The following AGPAT3 variants were observed in gnomAD, a reference collection of about 807,000 sequenced individuals.
The protein encoded by AGPAT3 is 1-acylglycerol-3-phosphate O-acyltransferase 3, also known as 1-acyl-sn-glycerol-3-phosphate acyltransferase gamma.
AGPAT3 carries 5 observed loss-of-function variants against 47.3 expected under a neutral mutation model. The observed-to-expected ratio is 0.11, with a 90% CI of 0.06 to 0.22. The LOEUF is 0.22. Among genes scored for constraint, AGPAT3 ranks in the 10% least tolerant of loss-of-function variants. AGPAT3 has a pLI of 1.00. For synonymous variants in AGPAT3, 212 were observed against 208.3 expected, an observed-to-expected ratio of 1.02 and a Z score of -0.15; for missense variants, 315 against 493.0, an observed-to-expected ratio of 0.64 and a Z score of 3.42.
rs149687387 is a variant in AGPAT3, at chr21:43,956,179, G to A, written c.-48-3455G>A. Among the ~76,000 whole-genome samples the A allele has an allele frequency of 6.1e-4, 93 of 152,284 alleles. 1 individual carries two copies. The Middle Eastern group carries it at 0.01, about 17-fold the overall frequency. ...ACCCTGTACAACTCAGGATCTGGTC[G>A]AATATATCGTCTCTAGCTCAAGAAA... On this transcript the variant is annotated intron_variant, in intron 2 of 9. Coordinates refer to ENST00000291572, the MANE Select transcript of AGPAT3 (RefSeq NM_020132.5).
intron 2 of AGPAT3, among the ~76,000 whole-genome samples, chr21:43,915,810 C>G (rs565658271): frequency 7.2e-5 from 11 of 151,964 alleles, no homozygotes; most frequent in African/African-American, 2.2e-4. Flanking sequence ...AAATTTTTTT[C>G]CTTTTATATT....
chr21:43,961,098 C>T (rs1165400940), intron 3 of AGPAT3, among the ~76,000 whole-genome samples: 1 of 151,592 alleles, frequency 6.6e-6, no homozygotes, highest in African/African-American at 2.4e-5. Flanking sequence ...TGAGATCACA[C>T]CACTGCACCA....
chr21:43,893,509 A>C (rs374886047), intron 1 of AGPAT3, among the ~76,000 whole-genome samples: 164 of 152,314 alleles, frequency 1.1e-3, no homozygotes, highest in African/African-American at 3.9e-3. Context: ...CTTTGCATTC[A>C]TCACTTGGCC....
chr21:43,961,302 A>C (rs1053890166), intron 3 of AGPAT3, among the ~76,000 whole-genome samples: 1 of 152,174 alleles, frequency 6.6e-6, no homozygotes, highest in African/African-American at 2.4e-5. Flanking sequence ...ACTTCGTCTC[A>C]TATGGGAAAC....
chr21:43,974,968 G>A (rs114181736), intron 7 of AGPAT3, among the ~76,000 whole-genome samples: 1,957 of 152,304 alleles, frequency 0.013, 50 homozygotes, highest in African/African-American at 0.043. Context: ...ACCAGCATGC[G>A]GCAGAGGCTT....
chr21:43,978,140 C>A lies in AGPAT3; in HGVS notation c.843+19C>A, dbSNP rs753382243. ...GGAGAAGGTAAGCAGGCTCTGCTCCCGCTCAGGGTCCCGGTCTCCTGAAGA... is the reference window on the plus strand; with the variant it reads ...GGAGAAGGTAAGCAGGCTCTGCTCCAGCTCAGGGTCCCGGTCTCCTGAAGA... On this transcript the variant is annotated intron_variant, in intron 8 of 9. Coordinates refer to ENST00000291572, the MANE Select transcript of AGPAT3 (RefSeq NM_020132.5). 1.9e-6 allele frequency: 3 copies of A among 1,609,016 alleles called. No homozygotes were observed. Among genetic ancestry groups the A allele is most frequent in the African/African-American group, 2.7e-5 (2 of 74,852 alleles).
rs369321425 is a variant in AGPAT3 at position 43,865,937 on chromosome 21, G to A, written c.-112+592G>A. On this transcript the variant is annotated intron_variant, in intron 1 of 9. Transcript: ENST00000291572. Reference sequence around the variant, plus strand: ...CTGCGGGGCCCGGGGTTGGCTGTGGGTTCGGCCCGGAGACCGGCGGCGCGT... The same window carrying A: ...CTGCGGGGCCCGGGGTTGGCTGTGGATTCGGCCCGGAGACCGGCGGCGCGT... Among the ~76,000 whole-genome samples, 238 of 152,222 alleles carry A rather than the reference G, an allele frequency of 1.6e-3. 10 individuals carry two copies. The South Asian group carries it at 0.047, about 30-fold the overall frequency.
rs1296481611 is a variant in AGPAT3 at position 43,981,049 on chromosome 21, G to T, written c.904G>T (p.Ala302Ser). 7 of 1,614,194 alleles carry T rather than the reference G, an allele frequency of 4.3e-6. No individual in the cohort carries two copies. The highest frequency in any genetic ancestry group is 2.2e-5 in the East Asian group (1 of 44,886). Residue 302 changes from alanine to serine, a missense_variant, in exon 9 of 10, where the codon GCC (alanine) becomes TCC (serine). Transcript: ENST00000291572. This position sits in a 1 kb window ranked among gnomAD's most constrained non-coding sequence, Gnocchi z 5.3. ...GTTTCCAGGGGAGCAGTTTAAGCCT[G>T]CCCGGAGGCCGTGGACCCTCCTGAA... ...GMFPGEQFKP[A>S]RRPWTLLNFL...
At chr21:43,971,530 C>A in intron 7 of AGPAT3, 40 bp downstream of exon 7, 1 of 1,591,576 alleles carries the variant, frequency 6.3e-7, no homozygotes, top group Non-Finnish European at 8.6e-7. Flanking sequence ...GCCCCCCATA[C>A]CTTCATGAGC....
chr21:43,977,084 C>T (rs2089646176), intron 7 of AGPAT3, among the ~76,000 whole-genome samples: 1 of 152,162 alleles, frequency 6.6e-6, no homozygotes, highest in Non-Finnish European at 1.5e-5. Flanking sequence ...TTAGATTTGT[C>T]CAATTAGGTA....
In AGPAT3 at chr21:43,930,746, A is replaced by G. The variant is rs1201943326; in HGVS notation, c.-49+26727A>G. Among the ~76,000 whole-genome samples the G allele has an allele frequency of 6.6e-6, 1 of 151,998 alleles. No individual in the cohort carries two copies. The highest frequency in any genetic ancestry group is 1.5e-5 in the Non-Finnish European group (1 of 67,984). On this transcript the variant is annotated intron_variant, in intron 2 of 9. Coordinates refer to ENST00000291572, the MANE Select transcript of AGPAT3 (RefSeq NM_020132.5). This position sits in a 1 kb window ranked among gnomAD's most constrained non-coding sequence, Gnocchi z 5.0. ...TGGCACATTCCCAGGGGGCTGCTGT[A>G]GGGCCAGTGTCCCCTCCTGGGGTGG...
At chr21:43,896,064 G>A (rs886123848) in intron 1 of AGPAT3, among the ~76,000 whole-genome samples, 1 of 152,106 alleles carries the variant, frequency 6.6e-6, no homozygotes, top group Non-Finnish European at 1.5e-5. Context: ...CACTGCGCCC[G>A]GCCTAATTTT....
chr21:43,912,896 C>T (rs113749079), intron 2 of AGPAT3, among the ~76,000 whole-genome samples: 1,741 of 152,324 alleles, frequency 0.011, 25 homozygotes, highest in African/African-American at 0.038. Flanking sequence ...ACGGTTGCTG[C>T]GGTGCCTCCG....
chr21:43,917,676 C>T (rs1374180882), intron 2 of AGPAT3, among the ~76,000 whole-genome samples: 1 of 151,936 alleles, frequency 6.6e-6, no homozygotes, highest in Non-Finnish European at 1.5e-5. Context: ...GTGTGGCACA[C>T]AGGGGAGGAG....
intron 7 of AGPAT3, 131 bp from the exon 8 acceptor site, chr21:43,977,915 T>G: frequency 3.2e-6 from 2 of 617,722 alleles, no homozygotes; most frequent in Admixed American, 3.1e-5. Flanking sequence ...GAAAAGAAAT[T>G]GAGAGTGAGA....
chr21:43,956,607 G>A (rs1190628645), intron 2 of AGPAT3, among the ~76,000 whole-genome samples: 2 of 152,214 alleles, frequency 1.3e-5, no homozygotes. Context: ...CAGTGTGGGG[G>A]CATCAAACAG....
At chr21:43,868,024 G>GCATT (rs2085546336) in intron 1 of AGPAT3, among the ~76,000 whole-genome samples, 1 of 152,208 alleles carries the variant, frequency 6.6e-6, no homozygotes, top group African/African-American at 2.4e-5. Flanking sequence ...TTAGGCAAGT[G>GCATT]CATTAATCGT....
intron 2 of AGPAT3, among the ~76,000 whole-genome samples, chr21:43,928,057 C>T (rs748285102): frequency 5.3e-5 from 8 of 152,228 alleles, no homozygotes; most frequent in Non-Finnish European, 1.0e-4. Flanking sequence ...ACCTGCTGCC[C>T]CGTGCCCTGG....
In AGPAT3 at chr21:43,986,788, C is replaced by T. The variant is rs903694998; in HGVS notation, c.*4396C>T. On this transcript the variant is annotated 3_prime_UTR_variant, in exon 10 of 10. Transcript: ENST00000291572. Reference sequence around the variant, plus strand: ...GCCATCGCTGACTGTTGGCCAGTTTCAAAGGGACCCATTGTATACAGGGTG... The same window carrying T: ...GCCATCGCTGACTGTTGGCCAGTTTTAAAGGGACCCATTGTATACAGGGTG... 2.0e-5 allele frequency among the ~76,000 whole-genome samples: 3 copies of T among 152,238 alleles called. No homozygotes were observed. Among genetic ancestry groups the T allele is most frequent in the Non-Finnish European group, 2.9e-5 (2 of 68,030 alleles).
Sources: gnomAD v4.1 joint callset for allele counts (sites outside exome capture counted in the v4.1 genomes callset) on GRCh38, gnomAD v4.1.1 for gene constraint, Gnocchi (gnomAD v3.1) non-coding constraint, MANE v1.5 for transcripts, NCBI Gene and HGNC (gene_info 2026-07-23, HGNC 2026-07-21) for gene names.